Variants in TBC1D5 observed in about 807,000 individuals in gnomAD.
TBC1D5 encodes the protein TBC1 domain family member 5.
In TBC1D5, 75 loss-of-function variants were observed where a neutral mutation model predicts 100.3. The observed-to-expected ratio is 0.75, with a 90% CI of 0.62 to 0.91. TBC1D5 has a LOEUF of 0.91. TBC1D5 is among the 40% of genes least tolerant of loss of function. TBC1D5 has a pLI of 0.00. For missense variants in TBC1D5, 910 were observed against 942.4 expected (o/e 0.97, Z 0.45); for synonymous variants, 323 against 325.6 (o/e 0.99, Z 0.09).
intron 2 of TBC1D5, among the ~76,000 whole-genome samples, chr3:17,560,454 TA>T (rs1272847484): frequency 2.6e-5 from 4 of 151,702 alleles, no homozygotes; most frequent in African/African-American, 9.7e-5. Flanking sequence ...ACCCTGTCTC[TA>T]AAAAAATTGA....
At chr3:17,362,273 T>C (rs1384319303) in intron 13 of TBC1D5, among the ~76,000 whole-genome samples, 1 of 152,186 alleles carries the variant, frequency 6.6e-6, no homozygotes, top group Non-Finnish European at 1.5e-5. Flanking sequence ...AAAAAGTTGA[T>C]AAATTAGGTT....
At chr3:17,679,583 G>T (rs1461564419) in intron 1 of TBC1D5, among the ~76,000 whole-genome samples, 1 of 151,394 alleles carries the variant, frequency 6.6e-6, no homozygotes, top group Non-Finnish European at 1.5e-5. Flanking sequence ...CTCAGTAACT[G>T]TATTACTGAA....
At position 17,342,231 on chromosome 3, in the gene TBC1D5, G is replaced by A. The variant is rs188019512; in HGVS notation, c.995+29844C>T. ...TAGTCTATCCTAATTGTAGACTACA[G>A]AGTCATTTAATACTTGTCAGGAATG... On this transcript the variant is annotated intron_variant, in intron 13 of 21. Transcript: ENST00000253692. Among the ~76,000 whole-genome samples the A allele has an allele frequency of 2.8e-4, 42 of 152,326 alleles. No individual in the cohort carries two copies. In the East Asian group the frequency reaches 4.8e-3, roughly 17 times the overall value.
chr3:17,731,272 G>A (rs2076529923), intron 1 of TBC1D5, among the ~76,000 whole-genome samples: 1 of 152,098 alleles, frequency 6.6e-6, no homozygotes. Flanking sequence ...GGAGGCCGAG[G>A]CGGGCGGATC....
chr3:17,683,529 CG>C (rs2069800565), intron 1 of TBC1D5, among the ~76,000 whole-genome samples: 5 of 152,100 alleles, frequency 3.3e-5, no homozygotes, highest in African/African-American at 1.2e-4. Context: ...TTATACAAAA[CG>C]AATATACTTT....
chr3:17,380,872 A>G (rs943181181), intron 9 of TBC1D5, among the ~76,000 whole-genome samples: 1 of 152,132 alleles, frequency 6.6e-6, no homozygotes, highest in Non-Finnish European at 1.5e-5. Flanking sequence ...TAACAGTCTC[A>G]TTAATTCAAT....
At chr3:17,347,009 C>T (rs1273571938) in intron 13 of TBC1D5, among the ~76,000 whole-genome samples, 1 of 152,160 alleles carries the variant, frequency 6.6e-6, no homozygotes. Flanking sequence ...TGTTAGCTGA[C>T]ATTGTATGTA....
At chr3:17,268,579 A>G (rs1013315599) in intron 15 of TBC1D5, among the ~76,000 whole-genome samples, 10 of 152,126 alleles carry the variant, frequency 6.6e-5, no homozygotes, top group Admixed American at 3.9e-4. Flanking sequence ...TAAAGTAGTA[A>G]TGAATGTAAA....
intron 1 of TBC1D5, among the ~76,000 whole-genome samples, chr3:17,627,480 TTAAC>T (rs1329584882): frequency 6.6e-6 from 1 of 152,016 alleles, no homozygotes; most frequent in African/African-American, 2.4e-5. Flanking sequence ...CCTGAGGAAA[TTAAC>T]TAAAGTCAAA....
intron 2 of TBC1D5, among the ~76,000 whole-genome samples, chr3:17,589,192 T>C (rs2096751187): frequency 6.6e-6 from 1 of 152,206 alleles, no homozygotes. Flanking sequence ...TTTTATTCTT[T>C]TTGTAAACAT....
At chr3:17,598,631 C>T (rs375207259) in intron 2 of TBC1D5, among the ~76,000 whole-genome samples, 1 of 152,152 alleles carries the variant, frequency 6.6e-6, no homozygotes, top group African/African-American at 2.4e-5. Context: ...CAAACCAAAA[C>T]TGTTTGTGCT....
chr3:17,187,760 A>G (rs1302167248), intron 18 of TBC1D5, among the ~76,000 whole-genome samples: 1 of 152,222 alleles, frequency 6.6e-6, no homozygotes, highest in African/African-American at 2.4e-5. Context: ...TCTTGTAAAA[A>G]GAGAGGGCCA....
intron 1 of TBC1D5, among the ~76,000 whole-genome samples, chr3:17,669,745 G>T: frequency 6.6e-6 from 1 of 152,182 alleles, no homozygotes; most frequent in Non-Finnish European, 1.5e-5. Flanking sequence ...TCAGGGGGCT[G>T]GCACATATAA....
intron 3 of TBC1D5, among the ~76,000 whole-genome samples, chr3:17,480,757 G>A (rs1300318166): frequency 1.3e-5 from 2 of 151,972 alleles, no homozygotes; most frequent in Admixed American, 1.3e-4. Context: ...GCTGAGAGCT[G>A]GACACTAATC....
At chr3:17,197,834 C>G (rs951212692) in intron 18 of TBC1D5, among the ~76,000 whole-genome samples, 5 of 152,098 alleles carry the variant, frequency 3.3e-5, no homozygotes, top group African/African-American at 1.2e-4. Context: ...CTCAGGAGTT[C>G]AAGACCAGCC....
At chr3:17,233,492 G>C (rs955462006) in intron 17 of TBC1D5, among the ~76,000 whole-genome samples, 193 bp downstream of exon 18, 2 of 152,030 alleles carry the variant, frequency 1.3e-5, no homozygotes, top group Admixed American at 6.6e-5. Context: ...AGCCATATTC[G>C]GCATCACCAA....
intron 4 of TBC1D5, among the ~76,000 whole-genome samples, chr3:17,411,044 A>T (rs1178314977): frequency 6.6e-6 from 1 of 152,122 alleles, no homozygotes; most frequent in African/African-American, 2.4e-5. Context: ...GAGTCAATCT[A>T]TGTGGCATAC....
intron 2 of TBC1D5, chr3:17,576,678 T>C (rs909043017): frequency 1.3e-5 from 2 of 152,050 alleles, no homozygotes; most frequent in African/African-American, 4.8e-5. Context: ...TTATGATTGA[T>C]TGACTGATTT....
chr3:17,507,893 T>C (rs528041150), intron 3 of TBC1D5, among the ~76,000 whole-genome samples: 9 of 152,264 alleles, frequency 5.9e-5, no homozygotes, highest in East Asian at 1.9e-4. Flanking sequence ...AGAGTTCTGA[T>C]ACATAAACAT....
Sources: gnomAD v4.1 joint callset for allele counts (sites outside exome capture counted in the v4.1 genomes callset) on GRCh38, gnomAD v4.1.1 for gene constraint, MANE v1.5 for transcripts, NCBI Gene and HGNC (gene_info 2026-07-23, HGNC 2026-07-21) for gene names.